COL1A2: variants seen among roughly 807,000 people sequenced by gnomAD.
COL1A2 encodes the protein collagen type I alpha 2 chain.
In COL1A2, 49 loss-of-function variants were observed where a neutral mutation model predicts 174.3. The ratio of observed to expected loss-of-function variants is 0.28; its 90% CI spans 0.22 to 0.36. The LOEUF is 0.36. Among genes scored for constraint, COL1A2 ranks in the 10% least tolerant of loss-of-function variants. The pLI, the probability that COL1A2 is intolerant of heterozygous loss-of-function variation, is 1.00. For missense variants in COL1A2, 1,438 were observed against 1,822.7 expected, an observed-to-expected ratio of 0.79 and a Z score of 3.84; for synonymous variants, 655 against 606.6, an observed-to-expected ratio of 1.08 and a Z score of -1.17.
At position 94,394,924 on chromosome 7, in the gene COL1A2, A is replaced by G. The variant is rs541648694; in HGVS notation, c.-108A>G. The G allele has an allele frequency of 6.4e-5, 55 of 861,040 alleles. No individual in the cohort carries two copies. In the African/African-American group the frequency reaches 8.7e-4, roughly 14 times the overall value. The allele number at this position is 861,040 out of a possible 1,614,324, so 53.3% of individuals were successfully genotyped here. ...CCACGGCAGCAGGAGGTTTCGGCTA[A>G]GTTGGAGGTACTGGCCACGACTGCA... On this transcript the variant is annotated 5_prime_UTR_variant, in exon 1 of 52. Transcript: ENST00000297268.
Position 94,394,952 on chromosome 7 carries a change from C to A in COL1A2, c.-80C>A, listed in dbSNP as rs1584310171. 7.9e-7 allele frequency: 1 copy of A among 1,261,254 alleles called. No homozygotes were observed. Among genetic ancestry groups the A allele is most frequent in the Non-Finnish European group, 1.2e-6 (1 of 860,508 alleles). 78.1% of individuals were successfully genotyped at this position (1,261,254 alleles called of 1,614,324 possible). ...TGGAGGTACTGGCCACGACTGCATG[C>A]CCGCGCCCGCCAGGTGATACCTCCG... is the stretch of plus-strand genomic sequence containing the variant. On this transcript the variant is annotated 5_prime_UTR_variant, in exon 1 of 52. Coordinates refer to ENST00000297268, the MANE Select transcript of COL1A2 (RefSeq NM_000089.4).
Position 94,425,828 on chromosome 7 carries a change from G to A in COL1A2, c.2914G>A (p.Ala972Thr), listed in dbSNP as rs758711257. The change falls in exon 44 of 52, where the codon GCT (alanine) becomes ACT (threonine). Residue 972 changes from alanine (A) to threonine (T), a missense_variant. Coordinates refer to ENST00000297268, the MANE Select transcript of COL1A2 (RefSeq NM_000089.4). ...TGGTCCTCATGGCCCCGTGGGTCCTGCTGGCAAACATGGAAACCGTGGTGA... is the reference window on the plus strand; with the variant it reads ...TGGTCCTCATGGCCCCGTGGGTCCTACTGGCAAACATGGAAACCGTGGTGA... ...APGPHGPVGP[A>T]GKHGNRGETG... 7 of 1,612,122 alleles carry A rather than the reference G, an allele frequency of 4.3e-6. No individual in the cohort carries two copies. The South Asian group carries it at 5.5e-5, about 13-fold the overall frequency.
At position 94,427,895 on chromosome 7, in the gene COL1A2, G is replaced by A. The variant is rs779375338; in HGVS notation, c.3526+10G>A. 1 of 1,613,740 alleles carries A rather than the reference G, an allele frequency of 6.2e-7. No homozygotes were observed. The highest frequency in any genetic ancestry group is 1.3e-5 in the African/African-American group (1 of 74,918). On this transcript the variant is annotated intron_variant, in intron 49 of 51. Coordinates refer to ENST00000297268, the MANE Select transcript of COL1A2 (RefSeq NM_000089.4). ...CCAGAGTGGAGCAGTGGTAGGTCAAGATGTCCAGACCAGACTGACCCTTCT... is the reference window on the plus strand; with the variant it reads ...CCAGAGTGGAGCAGTGGTAGGTCAAAATGTCCAGACCAGACTGACCCTTCT...
chr7:94,401,610 C>T lies in COL1A2; in HGVS notation c.269C>T (p.Pro90Leu). Residue 90 changes from proline to leucine, a missense_variant, in exon 6 of 52, where the codon CCT (proline) becomes CTT (leucine). Pro to Leu is a moderately conservative substitution (Grantham distance 98). Around this residue, in one of 3 missense-constraint regions of COL1A2, gnomAD observed 281 missense variants for 310.9 expected, o/e 0.90. Coordinates refer to ENST00000297268, the MANE Select transcript of COL1A2 (RefSeq NM_000089.4). ...QYDGKGVGLG[P>L]GPMGLMGPRG... is the part of the protein sequence containing the mutation. ...GATGGAAAAGGAGTTGGACTTGGCCCTGGACCAATGGTATGCTTATCTGTT... is the reference window on the plus strand; with the variant it reads ...GATGGAAAAGGAGTTGGACTTGGCCTTGGACCAATGGTATGCTTATCTGTT... The T allele has an allele frequency of 3.1e-6, 5 of 1,588,710 alleles. No homozygotes were observed. The highest frequency in any genetic ancestry group is 4.3e-6 in the Non-Finnish European group (5 of 1,165,818).
chr7:94,405,094 A>AT, intron 9 of COL1A2, 105 bp from the exon 10 acceptor site: 1 of 1,235,402 alleles, frequency 8.1e-7, no homozygotes, highest in Non-Finnish European at 1.2e-6. Flanking sequence ...CTGGATCCAT[A>AT]TTTTTATGTG....
chr7:94,420,165 T>G, intron 34 of COL1A2, 68 bp from the exon 35 acceptor site: 1 of 1,601,734 alleles, frequency 6.2e-7, no homozygotes, highest in Non-Finnish European at 8.5e-7. Context: ...CACTGTTCTC[T>G]CTCCCTCCCA....
intron 1 of COL1A2, among the ~76,000 whole-genome samples, chr7:94,395,834 A>G (rs1791572920): frequency 6.6e-6 from 1 of 152,154 alleles, no homozygotes; most frequent in Non-Finnish European, 1.5e-5. Flanking sequence ...GTCTCAATTC[A>G]CTTTCTAGTC....
intron 35 of COL1A2, 37 bp downstream of exon 35, chr7:94,420,323 C>T (rs1222733195): frequency 6.2e-7 from 1 of 1,614,088 alleles, no homozygotes; most frequent in South Asian, 1.1e-5. Flanking sequence ...ATACTCACAC[C>T]TCACAATGTT....
chr7:94,401,708 A>G, intron 6 of COL1A2, 88 bp downstream of exon 6: 1 of 889,358 alleles, frequency 1.1e-6, no homozygotes, highest in East Asian at 2.9e-5. Flanking sequence ...TTATTTAGCT[A>G]CCTAAGTTAA....
chr7:94,415,430 T>A (rs1792020125), intron 30 of COL1A2, among the ~76,000 whole-genome samples, 160 bp downstream of exon 30: 1 of 152,240 alleles, frequency 6.6e-6, no homozygotes, highest in African/African-American at 2.4e-5. Flanking sequence ...AAGTTGATAG[T>A]AGAATTTTTT....
At chr7:94,397,839 A>T (rs1443040862) in intron 2 of COL1A2, 81 bp downstream of exon 2, 1 of 833,170 alleles carries the variant, frequency 1.2e-6, no homozygotes, top group Non-Finnish European at 2.0e-6. Context: ...GAAGGGAAGA[A>T]GTTACATTAA....
At chr7:94,421,748 TA>T in intron 38 of COL1A2, 150 bp from the exon 39 acceptor site, 15 of 695,560 alleles carry the variant, frequency 2.2e-5, no homozygotes, top group Non-Finnish European at 3.8e-5. Context: ...GGGTCCTGGC[TA>T]AATAATGCCC....
chr7:94,421,103 A>G (rs1792151887), intron 38 of COL1A2, 41 bp downstream of exon 38: 1 of 1,604,860 alleles, frequency 6.2e-7, no homozygotes, highest in South Asian at 1.1e-5. Context: ...TTCTTTTTTC[A>G]GAATCTATTA....
chr7:94,415,168 A>G, intron 29 of COL1A2, 58 bp from the exon 30 acceptor site: 9 of 1,503,194 alleles, frequency 6.0e-6, no homozygotes, highest in South Asian at 3.4e-5. Context: ...TATTTTAATC[A>G]TAAGTGAATT....
At position 94,406,319 on chromosome 7, in the gene COL1A2, G is replaced by A. The variant is rs775430848; in HGVS notation, c.594+16G>A. On this transcript the variant is annotated intron_variant, in intron 12 of 51. Transcript: ENST00000297268. Reference sequence around the variant, plus strand: ...TGGTGTGAAGGTAAATATTAAATTAGAAGCACTGTTTTTAAGCACTTGATT... The same window carrying A: ...TGGTGTGAAGGTAAATATTAAATTAAAAGCACTGTTTTTAAGCACTTGATT... 1 of 1,613,334 alleles carries A rather than the reference G, an allele frequency of 6.2e-7. No homozygotes were observed. Among genetic ancestry groups the A allele is most frequent in the Admixed American group, 1.7e-5 (1 of 60,018 alleles).
Position 94,428,293 on chromosome 7 carries a change from G to A in COL1A2, c.3527G>A (p.Gly1176Asp), listed in dbSNP as rs72659341. Residue 1176 changes from glycine (G) to aspartate (D), a missense_variant and splice_region_variant, in exon 50 of 52, where the codon GGT becomes GAT. Around this residue, in one of 3 missense-constraint regions of COL1A2, gnomAD observed 290 missense variants for 298.1 expected, o/e 0.97. Coordinates refer to ENST00000297268, the MANE Select transcript of COL1A2 (RefSeq NM_000089.4). ...LRLSHPEWSS[G>D]YYWIDPNQGC... ...GATCTGAATGTTATTTTCTTAAAAG[G>A]TTACTACTGGATTGACCCTAACCAA... 2 of 1,611,244 alleles carry A rather than the reference G, an allele frequency of 1.2e-6. No homozygotes were observed. Among genetic ancestry groups the A allele is most frequent in the Non-Finnish European group, 1.7e-6 (2 of 1,177,482 alleles).
At chr7:94,415,550 C>G (rs1792022948) in intron 30 of COL1A2, among the ~76,000 whole-genome samples, 1 of 152,096 alleles carries the variant, frequency 6.6e-6, no homozygotes, top group East Asian at 1.9e-4. Context: ...ACATTTGTGA[C>G]AGTGGCTCAA....
At chr7:94,425,338 T>G (rs532327618) in intron 42 of COL1A2, 114 bp downstream of exon 42, 1 of 1,036,366 alleles carries the variant, frequency 9.6e-7, no homozygotes, top group Non-Finnish European at 1.5e-6. Context: ...ATGGTCAGCT[T>G]CTCCATAGTA....
At chr7:94,415,501 T>C (rs1032511774) in intron 30 of COL1A2, among the ~76,000 whole-genome samples, 3 of 152,158 alleles carry the variant, frequency 2.0e-5, no homozygotes, top group Non-Finnish European at 4.4e-5. Context: ...CATAAATCAA[T>C]ATATATTATA....
Sources: allele counts gnomAD v4.1 joint callset (sites outside exome capture counted in the v4.1 genomes callset), GRCh38; gene constraint gnomAD v4.1.1; regional missense constraint gnomAD v4.1.1; transcripts MANE v1.5; gene names NCBI Gene and HGNC (gene_info 2026-07-23, HGNC 2026-07-21).